MAN1C1: variants seen among roughly 807,000 people sequenced by gnomAD.
MAN1C1 encodes mannosyl-oligosaccharide 1,2-alpha-mannosidase IC.
MAN1C1 carries 49 observed loss-of-function variants against 71.5 expected under a neutral mutation model. That is an observed-to-expected ratio of 0.69 (90% CI 0.54 to 0.87). MAN1C1 has a LOEUF of 0.87. MAN1C1 is among the 40% of genes least tolerant of loss of function. The probability of loss-of-function intolerance (pLI) is 0.00; values close to 1 mark genes in which losing one functional copy is unlikely to be tolerated. For synonymous variants in MAN1C1, 352 were observed against 343.7 expected, an observed-to-expected ratio of 1.02 and a Z score of -0.27; for missense variants, 743 against 835.0, an observed-to-expected ratio of 0.89 and a Z score of 1.36.
At chr1:25,765,344 C>G (rs1435913047) in intron 7 of MAN1C1, among the ~76,000 whole-genome samples, 1 of 152,196 alleles carries the variant, frequency 6.6e-6, no homozygotes, top group African/African-American at 2.4e-5. Flanking sequence ...TCATGGTCAG[C>G]TGGAACTGGC....
At position 25,621,100 on chromosome 1, in the gene MAN1C1, AAT is replaced by A. The variant is rs1461149354; in HGVS notation, c.540+2765_540+2766del. ...TGTAAAATGGGGTGAGGGAGAGGAG[AAT>A]AAGCTGGTTATAGACCCTCTTGCTT... On this transcript the variant is annotated intron_variant, in intron 1 of 11. Coordinates refer to ENST00000374332, the MANE Select transcript of MAN1C1 (RefSeq NM_020379.4). Among the ~76,000 whole-genome samples the A allele has an allele frequency of 3.9e-5, 6 of 152,174 alleles. No individual in the cohort carries two copies. In the East Asian group the frequency reaches 1.2e-3, roughly 29 times the overall value.
rs1223463333 is a variant in MAN1C1 at position 25,746,334 on chromosome 1, CCAAAG to C, written c.638-331_638-327del. ...ACAAACAAACAAAGATTTTTATATG[CCAAAG>C]CAGAGAAAAGTGGGTGGCTGATTGG... On this transcript the variant is annotated intron_variant, in intron 2 of 11. Transcript: ENST00000374332. This position sits in a 1 kb window ranked among gnomAD's most constrained non-coding sequence, Gnocchi z 4.0. Among the ~76,000 whole-genome samples, 1 of 152,144 alleles carries C rather than the reference CCAAAG, an allele frequency of 6.6e-6. No individual in the cohort carries two copies. Among genetic ancestry groups the C allele is most frequent in the Non-Finnish European group, 1.5e-5 (1 of 68,018 alleles).
chr1:25,719,853 G>T lies in MAN1C1; in HGVS notation c.638-26815G>T, dbSNP rs527355480. Reference sequence around the variant, plus strand: ...GGCTGGAATAGAGTGGCGCAATCCTGGCTTAGTGCAACCTCCGCCTCCCAG... The same window carrying T: ...GGCTGGAATAGAGTGGCGCAATCCTTGCTTAGTGCAACCTCCGCCTCCCAG... On this transcript the variant is annotated intron_variant, in intron 2 of 11. Transcript: ENST00000374332. 7.9e-5 allele frequency among the ~76,000 whole-genome samples: 12 copies of T among 151,922 alleles called. No individual in the cohort carries two copies. The South Asian group carries it at 2.5e-3, about 32-fold the overall frequency.
intron 10 of MAN1C1, among the ~76,000 whole-genome samples, chr1:25,781,819 C>T (rs1160146712): frequency 6.6e-6 from 1 of 152,150 alleles, no homozygotes; most frequent in Non-Finnish European, 1.5e-5. Context: ...CCTTCAAAGG[C>T]CAAGCGTCTT....
intron 1 of MAN1C1, among the ~76,000 whole-genome samples, chr1:25,630,055 G>A: frequency 6.6e-6 from 1 of 151,982 alleles, no homozygotes; most frequent in South Asian, 2.1e-4. Context: ...CTCATCCTGA[G>A]TTTTTTTTGT....
Position 25,769,700 on chromosome 1 carries a change from C to T in MAN1C1, c.1142-1957C>T, listed in dbSNP as rs78755288. On this transcript the variant is annotated intron_variant, in intron 7 of 11. Transcript: ENST00000374332. The surrounding 1 kb of genome is among the most constrained non-coding windows in gnomAD (Gnocchi z 4.8). ...GCACTCCATGGGCATCTCTGTGCGC[C>T]GTGTAGTTACTGGGCACAGAGCGGG... Among the ~76,000 whole-genome samples the T allele has an allele frequency of 6.6e-6, 1 of 152,112 alleles. No homozygotes were observed. Among genetic ancestry groups the T allele is most frequent in the South Asian group, 2.1e-4 (1 of 4,836 alleles).
rs1295570928 is a variant in MAN1C1, at chr1:25,617,617, G to T, written c.-181G>T. ...CTGCGCCCCCGCCTCCTCGCGGGAG[G>T]ACTCGCTCCAAACTCCCTGAACTTC... On this transcript the variant is annotated 5_prime_UTR_variant, in exon 1 of 12. Transcript: ENST00000374332. The surrounding 1 kb of genome is among the most constrained non-coding windows in gnomAD (Gnocchi z 5.1). 2.1e-5 allele frequency: 11 copies of T among 532,100 alleles called. No individual in the cohort carries two copies. Among genetic ancestry groups the T allele is most frequent in the African/African-American group, 4.1e-5 (2 of 49,138 alleles). 33.0% of individuals were successfully genotyped at this position (532,100 alleles called of 1,614,324 possible).
At chr1:25,732,963 G>A (rs1049885497) in intron 2 of MAN1C1, among the ~76,000 whole-genome samples, 1 of 152,190 alleles carries the variant, frequency 6.6e-6, no homozygotes, top group African/African-American at 2.4e-5. Context: ...ATAGCTCTGT[G>A]TGGCCACAAT....
intron 1 of MAN1C1, among the ~76,000 whole-genome samples, chr1:25,655,642 T>C (rs1387129694): frequency 6.6e-6 from 1 of 152,148 alleles, no homozygotes; most frequent in Non-Finnish European, 1.5e-5. Flanking sequence ...CGACATCCTC[T>C]CCAACTCCTG....
intron 8 of MAN1C1, among the ~76,000 whole-genome samples, chr1:25,774,373 C>T (rs540902911): frequency 2.0e-5 from 3 of 152,234 alleles, no homozygotes; most frequent in African/African-American, 4.8e-5. Context: ...TTACAGATGA[C>T]GAAACTGAGG....
chr1:25,747,688 A>G lies in MAN1C1; in HGVS notation c.753+905A>G, dbSNP rs538197028. Among the ~76,000 whole-genome samples the G allele has an allele frequency of 1.4e-3, 219 of 152,262 alleles. 1 individual carries two copies. The highest frequency in any genetic ancestry group is 2.5e-3 in the South Asian group (12 of 4,830). ...GAGTCTGGGAGAGCCTGGGAACGCA[A>G]CACTTTAGGGGAGCTTCCCTGGAGA... On this transcript the variant is annotated intron_variant, in intron 3 of 11. Coordinates refer to ENST00000374332, the MANE Select transcript of MAN1C1 (RefSeq NM_020379.4).
chr1:25,783,156 C>G (rs1031905007), intron 11 of MAN1C1, among the ~76,000 whole-genome samples: 14 of 152,160 alleles, frequency 9.2e-5, no homozygotes, highest in Non-Finnish European at 4.4e-5. Flanking sequence ...CCAAAGCAAG[C>G]CCCTTGTGCT....
At chr1:25,663,558 C>T (rs1038857231) in intron 1 of MAN1C1, among the ~76,000 whole-genome samples, 15 of 152,140 alleles carry the variant, frequency 9.9e-5, no homozygotes, top group African/African-American at 3.1e-4. Context: ...TTGTACTGTA[C>T]GTACCTATTT....
intron 7 of MAN1C1, among the ~76,000 whole-genome samples, chr1:25,768,373 C>A (rs551466024): frequency 1.5e-4 from 18 of 116,134 alleles, no homozygotes; most frequent in Middle Eastern, 6.5e-3. Flanking sequence ...TACACTCCCC[C>A]CACACACACT....
At chr1:25,696,225 T>C (rs1179893769) in intron 2 of MAN1C1, among the ~76,000 whole-genome samples, 1 of 152,162 alleles carries the variant, frequency 6.6e-6, no homozygotes, top group Admixed American at 6.5e-5. Flanking sequence ...ACTTGCCAAG[T>C]TTCCCAGCAA....
At chr1:25,647,169 G>T (rs1042671742) in intron 1 of MAN1C1, among the ~76,000 whole-genome samples, 2 of 152,218 alleles carry the variant, frequency 1.3e-5, no homozygotes, top group African/African-American at 2.4e-5. Flanking sequence ...GGGAGGGCAC[G>T]TGGGGCCTGG....
intron 2 of MAN1C1, among the ~76,000 whole-genome samples, chr1:25,720,244 C>T (rs1051572352): frequency 1.3e-5 from 2 of 150,908 alleles, no homozygotes; most frequent in Non-Finnish European, 2.9e-5. Flanking sequence ...CAAAGTCTCA[C>T]TCTGTTGCCC....
At chr1:25,714,781 A>G (rs1464182625) in intron 2 of MAN1C1, among the ~76,000 whole-genome samples, 4 of 152,148 alleles carry the variant, frequency 2.6e-5, no homozygotes, top group Non-Finnish European at 5.9e-5. Flanking sequence ...GCTACACTCT[A>G]AAGGAAGTGG....
chr1:25,650,977 A>T (rs2045683253), intron 1 of MAN1C1, among the ~76,000 whole-genome samples: 1 of 151,824 alleles, frequency 6.6e-6, no homozygotes, highest in Non-Finnish European at 1.5e-5. Context: ...TTACTTATTC[A>T]TTCAGTAAGT....
Sources: allele counts gnomAD v4.1 joint callset (sites outside exome capture counted in the v4.1 genomes callset), GRCh38; gene constraint gnomAD v4.1.1; non-coding constraint Gnocchi (gnomAD v3.1); transcripts MANE v1.5; gene names NCBI Gene and HGNC (gene_info 2026-07-23, HGNC 2026-07-21).